PDE10A: variants seen among roughly 807,000 people sequenced by gnomAD.
PDE10A encodes cAMP and cAMP-inhibited cGMP 3',5'-cyclic phosphodiesterase 10A.
Under a neutral mutation model 97.7 loss-of-function variants are expected in PDE10A, and 39 were observed. That is an observed-to-expected ratio of 0.40 (90% CI 0.31 to 0.52). The LOEUF (loss-of-function observed/expected upper bound fraction) is 0.52. Ranked by LOEUF, PDE10A falls within the 20% of genes least tolerant of loss-of-function variation. The pLI, the probability that PDE10A is intolerant of heterozygous loss-of-function variation, is 0.56. For missense variants in PDE10A, 731 were observed against 1,047.8 expected (o/e 0.70, Z 4.17); for synonymous variants, 371 against 376.8 (o/e 0.98, Z 0.18).
At chr6:165,805,023 G>A (rs1779089594) in intron 1 of PDE10A, among the ~76,000 whole-genome samples, 1 of 149,186 alleles carries the variant, frequency 6.7e-6, no homozygotes, top group Admixed American at 6.7e-5. Flanking sequence ...GGGCATCTGG[G>A]CGTGGGGCGA....
intron 1 of PDE10A, among the ~76,000 whole-genome samples, chr6:165,980,173 T>G (rs1784970438): frequency 6.6e-6 from 1 of 152,248 alleles, no homozygotes; most frequent in African/African-American, 2.4e-5. Context: ...TTGAGAAATA[T>G]GCTTATACTT....
At chr6:165,537,784 AT>A (rs1209333012) in intron 2 of PDE10A, among the ~76,000 whole-genome samples, 1 of 146,920 alleles carries the variant, frequency 6.8e-6, no homozygotes, top group African/African-American at 2.5e-5. Context: ...AAAAATATAA[AT>A]AAAATATATG....
chr6:165,524,087 T>G (rs1221713127), intron 2 of PDE10A, among the ~76,000 whole-genome samples: 1 of 152,192 alleles, frequency 6.6e-6, no homozygotes, highest in African/African-American at 2.4e-5. Flanking sequence ...AACATCAGAC[T>G]CCCAGTTATT....
intron 1 of PDE10A, among the ~76,000 whole-genome samples, chr6:165,759,264 T>C (rs1793196467): frequency 7.2e-6 from 1 of 139,422 alleles, no homozygotes; most frequent in Admixed American, 7.8e-5. Context: ...AGATGGGTTT[T>C]ATAAGTTTCC....
chr6:165,537,846 G>GA (rs1391890147), intron 2 of PDE10A, among the ~76,000 whole-genome samples: 1 of 151,812 alleles, frequency 6.6e-6, no homozygotes, highest in African/African-American at 2.4e-5. Flanking sequence ...AAAATTGAAG[G>GA]AAAAAGAGAA....
chr6:165,460,041 C>T (rs1165159587), intron 3 of PDE10A, among the ~76,000 whole-genome samples: 1 of 152,202 alleles, frequency 6.6e-6, no homozygotes, highest in Non-Finnish European at 1.5e-5. Flanking sequence ...GGACCCGTCC[C>T]GGGCCCCATT....
intron 3 of PDE10A, among the ~76,000 whole-genome samples, chr6:165,458,241 C>G (rs150811865): frequency 6.6e-6 from 1 of 152,006 alleles, no homozygotes; most frequent in Non-Finnish European, 1.5e-5. Flanking sequence ...TACCTTTTAC[C>G]CAGAGCTATA....
intron 1 of PDE10A, among the ~76,000 whole-genome samples, chr6:165,686,333 G>T (rs1026450420): frequency 2.0e-5 from 3 of 152,092 alleles, no homozygotes; most frequent in Non-Finnish European, 4.4e-5. Flanking sequence ...TTCCTGGTTG[G>T]ATTTCCCTGT....
At chr6:165,389,423 C>T (rs570120371) in intron 16 of PDE10A, among the ~76,000 whole-genome samples, 3 of 152,244 alleles carry the variant, frequency 2.0e-5, no homozygotes, top group East Asian at 3.9e-4. Context: ...ATGCATTTTG[C>T]AGGCAGAACC....
At chr6:165,983,930 T>C (rs1289537994) in intron 1 of PDE10A, among the ~76,000 whole-genome samples, 1 of 152,242 alleles carries the variant, frequency 6.6e-6, no homozygotes, top group Non-Finnish European at 1.5e-5. Flanking sequence ...CACAGCCGTG[T>C]ATTCATATAG....
At position 165,388,288 on chromosome 6, in the gene PDE10A, A is replaced by C. The variant is rs766986696; in HGVS notation, c.2610+10T>G. 2 of 1,613,626 alleles carry C rather than the reference A, an allele frequency of 1.2e-6. No homozygotes were observed. Among genetic ancestry groups the C allele is most frequent in the Non-Finnish European group, 8.5e-7 (1 of 1,179,672 alleles). On this transcript the variant is annotated intron_variant, in intron 17 of 21. Transcript: ENST00000539869. The surrounding 1 kb of genome is among the most constrained non-coding windows in gnomAD (Gnocchi z 4.0). Reference sequence around the variant, plus strand: ...TCAGACTAAGCGAGAGACGGCGTGCAGTGACTCACCTGGAGGATGGACACA... The same window carrying C: ...TCAGACTAAGCGAGAGACGGCGTGCCGTGACTCACCTGGAGGATGGACACA...
At chr6:165,944,063 T>C (rs954486965) in intron 1 of PDE10A, among the ~76,000 whole-genome samples, 2 of 152,232 alleles carry the variant, frequency 1.3e-5, no homozygotes, top group East Asian at 1.9e-4. Flanking sequence ...CCCTCAATCA[T>C]GGTGAAAGGG....
In PDE10A at chr6:165,330,386, A is replaced by C. The variant is rs1015733658; in HGVS notation, c.*2639T>G. 10 of 152,200 alleles carry C rather than the reference A, an allele frequency of 6.6e-5. No individual in the cohort carries two copies. Among genetic ancestry groups the C allele is most frequent in the African/African-American group, 2.4e-4 (10 of 41,460 alleles). 9.4% of individuals were successfully genotyped at this position (152,200 alleles called of 1,614,324 possible). A position where few individuals can be genotyped will look rare whatever the true frequency, so the allele number is the denominator to read the frequency against. On this transcript the variant is annotated 3_prime_UTR_variant, in exon 22 of 22. Transcript: ENST00000539869. ...AAAGTCTGTCTCCTAAACATCTGAC[A>C]AAATACAAAAATACTCCTAACTGCA...
At chr6:165,920,011 A>G (rs946568064) in intron 1 of PDE10A, among the ~76,000 whole-genome samples, 2 of 152,162 alleles carry the variant, frequency 1.3e-5, no homozygotes, top group Admixed American at 6.5e-5. Context: ...GTCACCCTAA[A>G]TCACTGCAAT....
At position 165,388,513 on chromosome 6, in the gene PDE10A, T is replaced by A. The variant is rs1162879618; in HGVS notation, c.2455-60A>T. On this transcript the variant is annotated intron_variant, in intron 16 of 21. Coordinates refer to ENST00000539869, the MANE Select transcript of PDE10A (RefSeq NM_001385079.1). The surrounding 1 kb of genome is among the most constrained non-coding windows in gnomAD (Gnocchi z 4.0). Reference sequence around the variant, plus strand: ...ACACAGAAACACACATGAGCAGACTTACCGCTTACATTCATGTCACATTAC... The same window carrying A: ...ACACAGAAACACACATGAGCAGACTAACCGCTTACATTCATGTCACATTAC... 6.8e-7 allele frequency: 1 copy of A among 1,466,620 alleles called. No homozygotes were observed. 90.9% of individuals were successfully genotyped at this position (1,466,620 alleles called of 1,614,324 possible).
chr6:165,779,352 TG>T (rs574686380), intron 1 of PDE10A, among the ~76,000 whole-genome samples: 209 of 152,356 alleles, frequency 1.4e-3, no homozygotes, highest in African/African-American at 4.9e-3. Context: ...AATGATCGTG[TG>T]TTCACACTTG....
At chr6:165,731,220 G>A (rs1478569411) in intron 1 of PDE10A, among the ~76,000 whole-genome samples, 1 of 152,144 alleles carries the variant, frequency 6.6e-6, no homozygotes, top group Non-Finnish European at 1.5e-5. Context: ...GAACATGATG[G>A]GCAAAAATGA....
chr6:165,662,852 A>T lies in PDE10A; in HGVS notation c.-41T>A. 7.1e-6 allele frequency among the ~76,000 whole-genome samples: 1 copy of T among 141,348 alleles called. No homozygotes were observed. The highest frequency in any genetic ancestry group is 2.6e-5 in the African/African-American group (1 of 37,818). 92.7% of individuals were successfully genotyped at this position (141,348 alleles called of 152,430 possible). A position where few individuals can be genotyped will look rare whatever the true frequency, so the allele number is the denominator to read the frequency against. On this transcript the variant is annotated 5_prime_UTR_variant, in exon 1 of 22. Transcript: ENST00000539869. ...CGCGGAGGGGCAGGCCGCGGGCGGG[A>T]GGGGCGCGGCGGGCCGGGGCTCGGT...
intron 18 of PDE10A, among the ~76,000 whole-genome samples, chr6:165,357,265 T>C (rs1452847076): frequency 6.6e-6 from 1 of 152,204 alleles, no homozygotes; most frequent in Admixed American, 6.6e-5. Flanking sequence ...ACATGTTATA[T>C]TTTGTTATGA....
Sources: allele counts gnomAD v4.1 joint callset (sites outside exome capture counted in the v4.1 genomes callset), GRCh38; gene constraint gnomAD v4.1.1; non-coding constraint Gnocchi (gnomAD v3.1); transcripts MANE v1.5; gene names NCBI Gene and HGNC (gene_info 2026-07-23, HGNC 2026-07-21).